Variants in DCC observed in about 807,000 individuals in gnomAD.
The protein encoded by DCC is DCC netrin 1 receptor.
Under a neutral mutation model 172.5 loss-of-function variants are expected in DCC, and 58 were observed. The ratio of observed to expected loss-of-function variants is 0.34; its 90% CI spans 0.27 to 0.42. The LOEUF (loss-of-function observed/expected upper bound fraction) is 0.42, where lower values mean the gene tolerates loss of function less well. Ranked by LOEUF, DCC falls within the 10% of genes least tolerant of loss-of-function variation. The probability of loss-of-function intolerance (pLI) is 1.00; values close to 1 mark genes in which losing one functional copy is unlikely to be tolerated. For synonymous variants in DCC, 709 were observed against 644.5 expected (o/e 1.10, Z -1.52); for missense variants, 1,740 against 1,791.0 (o/e 0.97, Z 0.51).
chr18:52,736,584 A>G (rs907209579), intron 1 of DCC, among the ~76,000 whole-genome samples: 3 of 152,192 alleles, frequency 2.0e-5, no homozygotes, highest in Admixed American at 1.3e-4. Context: ...CATTTCACTT[A>G]CTTGATTACA....
chr18:52,625,756 C>G (rs980887625), intron 1 of DCC, among the ~76,000 whole-genome samples: 2 of 152,192 alleles, frequency 1.3e-5, no homozygotes, highest in Non-Finnish European at 2.9e-5. Flanking sequence ...CTGAGCCCCT[C>G]TGATCAGATT....
At chr18:53,227,927 A>G (rs937349711) in intron 12 of DCC, among the ~76,000 whole-genome samples, 8 of 152,294 alleles carry the variant, frequency 5.3e-5, no homozygotes, top group African/African-American at 4.8e-5. Flanking sequence ...AGAGACTCAC[A>G]CAAAAGGGAT....
chr18:53,530,473 A>G (rs1322833858), intron 28 of DCC, 91 bp from the exon 29 acceptor site: 16 of 799,492 alleles, frequency 2.0e-5, no homozygotes, highest in Non-Finnish European at 3.2e-5. Flanking sequence ...ACTTGGGAAT[A>G]CGTAGCACCC....
At chr18:52,529,882 G>C (rs1188567558) in intron 1 of DCC, among the ~76,000 whole-genome samples, 2 of 152,126 alleles carry the variant, frequency 1.3e-5, no homozygotes, top group Non-Finnish European at 2.9e-5. Context: ...AGGAAGAAAT[G>C]CATCTACTTC....
intron 2 of DCC, among the ~76,000 whole-genome samples, chr18:52,772,291 C>T (rs1291240960): frequency 6.6e-6 from 1 of 152,062 alleles, no homozygotes. Flanking sequence ...AGACAGTAAA[C>T]CATGGATATC....
chr18:52,955,535 A>ACATTGT (rs1262754432), intron 5 of DCC, among the ~76,000 whole-genome samples: 1 of 150,562 alleles, frequency 6.6e-6, no homozygotes, highest in Middle Eastern at 3.2e-3. Flanking sequence ...TTGTGGGCAT[A>ACATTGT]CATTGTCAGT....
intron 14 of DCC, among the ~76,000 whole-genome samples, chr18:53,333,662 G>C (rs2057558028): frequency 6.6e-6 from 1 of 152,166 alleles, no homozygotes; most frequent in Non-Finnish European, 1.5e-5. Flanking sequence ...GATCATTTAT[G>C]GCCTTTTAGG....
intron 12 of DCC, 102 bp from the exon 13 acceptor site, chr18:53,305,476 G>C: frequency 2.1e-6 from 2 of 942,438 alleles, no homozygotes; most frequent in Non-Finnish European, 3.5e-6. Context: ...AACACTTCTT[G>C]CTTCTCTGCT....
chr18:53,468,841 G>C (rs1568151910), intron 25 of DCC, among the ~76,000 whole-genome samples: 1 of 152,062 alleles, frequency 6.6e-6, no homozygotes, highest in African/African-American at 2.4e-5. Flanking sequence ...TATTATCTGA[G>C]AATCACTTCC....
At chr18:52,452,355 T>G (rs763607948) in intron 1 of DCC, among the ~76,000 whole-genome samples, 1 of 152,258 alleles carries the variant, frequency 6.6e-6, no homozygotes, top group Non-Finnish European at 1.5e-5. Flanking sequence ...AACTTTATTA[T>G]GCATTATGTG....
In DCC at chr18:52,808,321, T is replaced by C. The variant is rs1355266573; in HGVS notation, c.412+55947T>C. 2.0e-5 allele frequency among the ~76,000 whole-genome samples: 3 copies of C among 152,164 alleles called. 1 individual carries two copies. The South Asian group carries it at 6.2e-4, about 32-fold the overall frequency. On this transcript the variant is annotated intron_variant, in intron 2 of 28. Coordinates refer to ENST00000442544, the MANE Select transcript of DCC (RefSeq NM_005215.4). Reference sequence around the variant, plus strand: ...TTGCCAAATGATGTGATTTGACATCTAAACCACTAGGAAGCATTTCATAGG... The same window carrying C: ...TTGCCAAATGATGTGATTTGACATCCAAACCACTAGGAAGCATTTCATAGG...
intron 1 of DCC, among the ~76,000 whole-genome samples, chr18:52,623,462 T>G (rs543125214): frequency 6.6e-6 from 1 of 152,318 alleles, no homozygotes; most frequent in East Asian, 1.9e-4. Context: ...TCTTCCTTTT[T>G]TGTTTCTAAA....
At chr18:52,997,786 C>G (rs767917307) in intron 5 of DCC, among the ~76,000 whole-genome samples, 1 of 152,062 alleles carries the variant, frequency 6.6e-6, no homozygotes, top group Non-Finnish European at 1.5e-5. Context: ...AACGAGTATT[C>G]GCAGTTTTTT....
chr18:52,449,616 GTT>G (rs1371058918), intron 1 of DCC, among the ~76,000 whole-genome samples: 3 of 152,146 alleles, frequency 2.0e-5, no homozygotes, highest in African/African-American at 2.4e-5. Context: ...TGGGAGTGAG[GTT>G]TTCTTTCCAC....
At chr18:53,118,890 G>C (rs1283237546) in intron 7 of DCC, among the ~76,000 whole-genome samples, 4 of 151,666 alleles carry the variant, frequency 2.6e-5, no homozygotes, top group African/African-American at 9.7e-5. Flanking sequence ...AAGGTAGAAT[G>C]CTACTTTAAT....
Position 53,103,969 on chromosome 18 carries a change from C to A in DCC, c.1261+37803C>A, listed in dbSNP as rs534480325. On this transcript the variant is annotated intron_variant, in intron 7 of 28. Transcript: ENST00000442544. ...TTGGGGTATACAATTTAAGGGGATT[C>A]CAAAGCACTCTGTAATCAAGATAAT... Among the ~76,000 whole-genome samples, 77 of 151,978 alleles carry A rather than the reference C, an allele frequency of 5.1e-4. 1 individual carries two copies. In the South Asian group the frequency reaches 0.015, roughly 30 times the overall value.
chr18:52,854,329 TGGA>T lies in DCC; in HGVS notation c.413-51711_413-51709del, dbSNP rs371834086. Among the ~76,000 whole-genome samples, 698 of 152,280 alleles carry T rather than the reference TGGA, an allele frequency of 4.6e-3. 7 individuals are homozygous for T. Among genetic ancestry groups the T allele is most frequent in the African/African-American group, 0.016 (677 of 41,550 alleles). On this transcript the variant is annotated intron_variant, in intron 2 of 28. Coordinates refer to ENST00000442544, the MANE Select transcript of DCC (RefSeq NM_005215.4). ...GTTTCTAAAATGCCTTTCTAATTAT[TGGA>T]GGAATTATTTGAAGGTTTGGCTGGG...
At chr18:52,523,700 G>C (rs2031891473) in intron 1 of DCC, among the ~76,000 whole-genome samples, 1 of 152,142 alleles carries the variant, frequency 6.6e-6, no homozygotes, top group Non-Finnish European at 1.5e-5. Flanking sequence ...ACAAAGCCCT[G>C]TTGCAAATTG....
chr18:52,555,318 T>C (rs1390657335), intron 1 of DCC, among the ~76,000 whole-genome samples: 2 of 152,150 alleles, frequency 1.3e-5, no homozygotes. Flanking sequence ...AAAACTTTTC[T>C]AGGGTCATGT....
Sources: allele counts gnomAD v4.1 joint callset (sites outside exome capture counted in the v4.1 genomes callset), GRCh38; gene constraint gnomAD v4.1.1; transcripts MANE v1.5; gene names NCBI Gene and HGNC (gene_info 2026-07-23, HGNC 2026-07-21).